MAP4K4: variants seen among roughly 807,000 people sequenced by gnomAD.
MAP4K4 encodes the protein mitogen-activated protein kinase kinase kinase kinase 4, also known as HPK/GCK-like kinase HGK.
A neutral mutation model predicts 189.6 loss-of-function variants in MAP4K4; 38 were observed. That is an observed-to-expected ratio of 0.20 (90% CI 0.15 to 0.26). The LOEUF (loss-of-function observed/expected upper bound fraction) is 0.26. MAP4K4 is among the 10% of genes least tolerant of loss of function. The pLI, the probability that MAP4K4 is intolerant of heterozygous loss-of-function variation, is 1.00. For missense variants in MAP4K4, 1,054 were observed against 1,726.9 expected (o/e 0.61, Z 6.91); for synonymous variants, 610 against 624.3 (o/e 0.98, Z 0.34).
chr2:101,872,007 T>TG (rs2098042712), intron 24 of MAP4K4, among the ~76,000 whole-genome samples: 1 of 152,374 alleles, frequency 6.6e-6, no homozygotes, highest in South Asian at 2.1e-4. Context: ...ATTATGTATT[T>TG]GGCATGAAAT....
intron 13 of MAP4K4, among the ~76,000 whole-genome samples, chr2:101,858,196 G>C (rs2097534805): frequency 6.6e-6 from 1 of 152,204 alleles, no homozygotes; most frequent in South Asian, 2.1e-4. Flanking sequence ...GTCCTCAGTG[G>C]AACAGGGACT....
chr2:101,796,899 A>G lies in MAP4K4; in HGVS notation c.180+6123A>G, dbSNP rs11887365. 7.6e-3 allele frequency among the ~76,000 whole-genome samples: 1,164 copies of G among 152,324 alleles called. 16 individuals carry two copies. The highest frequency in any genetic ancestry group is 0.027 in the African/African-American group (1,121 of 41,562). Reference sequence around the variant, plus strand: ...CCCTTCCTAGAGCAGCCAAGTAAGAATCTGGCCTCTGCCTGTCATCATATG... The same window carrying G: ...CCCTTCCTAGAGCAGCCAAGTAAGAGTCTGGCCTCTGCCTGTCATCATATG... On this transcript the variant is annotated intron_variant, in intron 3 of 32. Coordinates refer to ENST00000324219, the Ensembl canonical transcript of MAP4K4.
intron 2 of MAP4K4, among the ~76,000 whole-genome samples, chr2:101,777,384 G>A (rs1303285648): frequency 6.6e-6 from 1 of 152,168 alleles, no homozygotes; most frequent in African/African-American, 2.4e-5. Context: ...CCTGAAGCTT[G>A]AGCAGAGCCA....
At chr2:101,860,220 C>G (rs2097596628) in intron 15 of MAP4K4, 1 of 324,362 alleles carries the variant, frequency 3.1e-6, no homozygotes, top group Non-Finnish European at 5.9e-6. Context: ...TAAAGTGTGC[C>G]TGTGGCTCAA....
intron 29 of MAP4K4, among the ~76,000 whole-genome samples, chr2:101,886,230 C>CAT (rs2098478855): frequency 6.6e-6 from 1 of 152,138 alleles, no homozygotes; most frequent in Admixed American, 6.5e-5. Context: ...TGGTTTTATA[C>CAT]ATATTACCTT....
chr2:101,863,397 T>C (rs1011084017), intron 16 of MAP4K4, among the ~76,000 whole-genome samples: 1 of 152,190 alleles, frequency 6.6e-6, no homozygotes, highest in African/African-American at 2.4e-5. Flanking sequence ...TGAGGATGGC[T>C]AGGTAGGTTT....
chr2:101,871,032 G>A (rs540665633), intron 23 of MAP4K4, among the ~76,000 whole-genome samples: 29 of 152,196 alleles, frequency 1.9e-4, no homozygotes, highest in African/African-American at 6.5e-4. Context: ...AAAGTGATAC[G>A]CTTCTCATTT....
At chr2:101,718,256 CAAA>C (rs879284137) in intron 2 of MAP4K4, among the ~76,000 whole-genome samples, 5 of 88,814 alleles carry the variant, frequency 5.6e-5, no homozygotes, top group Non-Finnish European at 4.7e-5. Flanking sequence ...GACTCCGTCT[CAAA>C]AAAAAAAAAA....
At chr2:101,729,101 A>AGAGTGTGTGTGTGTGTGT (rs149283961) in intron 2 of MAP4K4, among the ~76,000 whole-genome samples, 18 of 130,606 alleles carry the variant, frequency 1.4e-4, no homozygotes, top group East Asian at 4.7e-4. Flanking sequence ...AGAGAGAGAG[A>AGAGTGTGTGTGTGTGTGT]GTGTGTGTGT....
chr2:101,845,022 G>C (rs1219975582), intron 12 of MAP4K4, among the ~76,000 whole-genome samples: 2 of 152,068 alleles, frequency 1.3e-5, no homozygotes, highest in Non-Finnish European at 2.9e-5. Flanking sequence ...TGGGAATGAT[G>C]GTCTACAAGT....
At chr2:101,741,746 G>A (rs985254313) in intron 2 of MAP4K4, among the ~76,000 whole-genome samples, 4 of 152,296 alleles carry the variant, frequency 2.6e-5, no homozygotes, top group East Asian at 1.9e-4. Flanking sequence ...ATAGGCTTTG[G>A]GCCAGCAGGC....
intron 2 of MAP4K4, among the ~76,000 whole-genome samples, chr2:101,773,870 C>G (rs2082650804): frequency 6.6e-6 from 1 of 152,212 alleles, no homozygotes. Context: ...TTTCGCTTAA[C>G]ATAGTGATCT....
exon 19 of MAP4K4, chr2:101,866,573 G>A: frequency 6.2e-7 from 1 of 1,612,952 alleles, no homozygotes; most frequent in Non-Finnish European, 8.5e-7. Flanking sequence ...ACGCTTCAGA[G>A]TGAGATGTAA....
exon 28 of MAP4K4, chr2:101,882,558 G>C (rs1303027935): frequency 6.3e-7 from 1 of 1,583,782 alleles, no homozygotes; most frequent in Non-Finnish European, 8.5e-7. Flanking sequence ...TAGGCAAAAA[G>C]GATAAGTTAC....
chr2:101,773,833 A>G (rs2082635125), intron 2 of MAP4K4, among the ~76,000 whole-genome samples: 1 of 152,148 alleles, frequency 6.6e-6, no homozygotes, highest in Non-Finnish European at 1.5e-5. Context: ...ATGAACGTGC[A>G]ATGTCTGTCT....
chr2:101,869,899 A>G, intron 22 of MAP4K4, 102 bp downstream of exon 22: 12 of 1,409,596 alleles, frequency 8.5e-6, no homozygotes, highest in Non-Finnish European at 1.0e-5. Flanking sequence ...CCCCATGAGC[A>G]CTTACTATGT....
chr2:101,767,728 A>G (rs1363117395), intron 2 of MAP4K4, among the ~76,000 whole-genome samples: 3 of 152,210 alleles, frequency 2.0e-5, no homozygotes, highest in African/African-American at 7.2e-5. Context: ...TCGCAGAGAG[A>G]GATGCTCCTT....
chr2:101,755,075 T>C (rs185355267), intron 2 of MAP4K4, among the ~76,000 whole-genome samples: 117 of 152,272 alleles, frequency 7.7e-4, no homozygotes, highest in African/African-American at 2.7e-3. Flanking sequence ...GGAAAAGTTA[T>C]AGGAATTCAC....
chr2:101,742,096 C>T (rs1454399961), intron 2 of MAP4K4, among the ~76,000 whole-genome samples: 1 of 152,144 alleles, frequency 6.6e-6, no homozygotes, highest in East Asian at 1.9e-4. Flanking sequence ...GTTCCAGGGT[C>T]CCTGGGCTCT....
Sources: allele counts gnomAD v4.1 joint callset (sites outside exome capture counted in the v4.1 genomes callset), GRCh38; gene constraint gnomAD v4.1.1; transcripts MANE v1.5; gene names NCBI Gene and HGNC (gene_info 2026-07-23, HGNC 2026-07-21).